Variants in RFT1 observed in about 807,000 individuals in gnomAD.
RFT1 encodes man(5)GlcNAc(2)-PP-dolichol translocation protein RFT1.
A neutral mutation model predicts 62.2 loss-of-function variants in RFT1; 43 were observed. The observed-to-expected ratio is 0.69, with a 90% CI of 0.54 to 0.89. RFT1 has a LOEUF of 0.89. RFT1 is among the 40% of genes least tolerant of loss of function. RFT1 has a pLI of 0.00. For synonymous variants in RFT1, 262 were observed against 264.6 expected (o/e 0.99, Z 0.10); for missense variants, 605 against 649.9 (o/e 0.93, Z 0.75).
At chr3:53,074,689 G>A in the RFT1 span, among the ~76,000 whole-genome samples, 32 of 152,288 alleles carry the variant, frequency 2.1e-4, no homozygotes, top group African/African-American at 2.9e-4. Context: ...CACTGCATGC[G>A]TATGAATAGA....
chr3:53,105,211 C>T (rs781034460), intron 9 of RFT1, among the ~76,000 whole-genome samples: 10 of 152,186 alleles, frequency 6.6e-5, no homozygotes, highest in Non-Finnish European at 1.3e-4. Flanking sequence ...GTCAGGAGTT[C>T]AAGAGCAGCC....
chr3:53,109,335 G>A (rs1258457500), intron 7 of RFT1, among the ~76,000 whole-genome samples: 1 of 152,174 alleles, frequency 6.6e-6, no homozygotes, highest in Non-Finnish European at 1.5e-5. Context: ...GAGTTTCCAA[G>A]TACCACACAC....
the RFT1 span, among the ~76,000 whole-genome samples, chr3:53,070,393 G>GGTTTTTTTTTTTTTT: frequency 7.0e-5 from 6 of 85,448 alleles, 1 homozygote; most frequent in Non-Finnish European, 6.8e-5. Context: ...CTGTATTATG[G>GGTTTTTTTTTTTTTT]TTTTTTTTTT....
chr3:53,119,942 A>T lies in RFT1; in HGVS notation c.638T>A (p.Leu213His). ...TATTCTGGAGACAGGAAGAGTTTGA[A>T]GCTTGGTTGATTCTGGGGAACCCAG... ...KLLGSPESTK[L>H]QTLPVSRITD... The change falls in exon 6 of 13, where the codon CTT becomes CAT. Residue 213 changes from leucine (L) to histidine (H), a missense_variant. Leu to His is a moderately conservative substitution (Grantham distance 99, BLOSUM62 -3). Coordinates refer to ENST00000296292, the MANE Select transcript of RFT1 (RefSeq NM_052859.4). 2 of 1,613,278 alleles carry T rather than the reference A, an allele frequency of 1.2e-6. No individual in the cohort carries two copies. Among genetic ancestry groups the T allele is most frequent in the Non-Finnish European group, 1.7e-6 (2 of 1,179,546 alleles).
downstream of RFT1, chr3:53,085,979 A>T (rs1263727382): frequency 6.6e-6 from 1 of 152,252 alleles, no homozygotes. Context: ...GTTAAAAATG[A>T]GTAACACTAA....
chr3:53,124,375 TC>T (rs1702053309), intron 2 of RFT1, among the ~76,000 whole-genome samples: 1 of 152,062 alleles, frequency 6.6e-6, no homozygotes, highest in South Asian at 2.1e-4. Flanking sequence ...CCTTCCTGCA[TC>T]TTAGCGAGGA....
chr3:53,130,220 A>G, intron 1 of RFT1, 118 bp downstream of exon 1: 7 of 1,014,108 alleles, frequency 6.9e-6, no homozygotes, highest in Non-Finnish European at 1.1e-5. Flanking sequence ...CACCCCCTCC[A>G]TTGCGGGGTC....
intron 6 of RFT1, among the ~76,000 whole-genome samples, chr3:53,118,238 G>A (rs751335788): frequency 3.3e-5 from 5 of 152,146 alleles, no homozygotes; most frequent in Non-Finnish European, 5.9e-5. Flanking sequence ...ATGAAAATCT[G>A]CCAGGCTTGG....
At position 53,123,727 on chromosome 3, in the gene RFT1, AG is replaced by A; in HGVS notation, c.262del (p.Leu88Ter). 6.2e-7 allele frequency: 1 copy of A among 1,612,682 alleles called. No individual in the cohort carries two copies. On this transcript the variant is annotated frameshift_variant, in exon 3 of 13. Transcript: ENST00000296292. LOFTEE classifies it high-confidence loss of function. The part of the protein sequence containing the change: ...DWSQTLNLLW[L>X]TVPLGVFWSL... The stretch of plus-strand genomic sequence containing the variant: ...CTCCTGCCAAAGCACAACTCACGTT[AG>A]CCACAGCAGGTTGAGGGTCTGGCTC...
intron 10 of RFT1, among the ~76,000 whole-genome samples, chr3:53,102,736 GT>G (rs777664739): frequency 2.0e-5 from 3 of 152,208 alleles, no homozygotes; most frequent in Non-Finnish European, 2.9e-5. Flanking sequence ...CAGGTAAGTA[GT>G]CCACTTCCAG....
At chr3:53,092,142 G>T in intron 12 of RFT1, 72 bp from the exon 13 acceptor site, 1 of 1,576,626 alleles carries the variant, frequency 6.3e-7, no homozygotes, top group Non-Finnish European at 8.7e-7. Context: ...AGCCAGGGAA[G>T]ACAGCTGTGG....
downstream of RFT1, chr3:53,085,993 A>G (rs188837714): frequency 2.0e-5 from 3 of 152,348 alleles, no homozygotes; most frequent in Non-Finnish European, 4.4e-5. Context: ...ACACTAAATA[A>G]TGGGACTGAT....
intron 11 of RFT1, among the ~76,000 whole-genome samples, chr3:53,098,732 G>A (rs991682587): frequency 7.3e-6 from 1 of 136,766 alleles, no homozygotes; most frequent in Admixed American, 8.7e-5. Context: ...AACCTGGGAG[G>A]CAGAGCTTGC....
the RFT1 span, among the ~76,000 whole-genome samples, chr3:53,070,387 A>T: frequency 1.2e-4 from 12 of 97,534 alleles, no homozygotes; most frequent in South Asian, 7.8e-4. Context: ...CCAGCCCTGT[A>T]TTATGGTTTT....
At chr3:53,092,288 A>C in intron 12 of RFT1, 81 bp downstream of exon 12, 1 of 1,554,072 alleles carries the variant, frequency 6.4e-7, no homozygotes, top group Non-Finnish European at 8.7e-7. Flanking sequence ...AGGAGGCAAA[A>C]ACCTGGGAAG....
intron 10 of RFT1, among the ~76,000 whole-genome samples, chr3:53,102,323 T>C (rs1230344959): frequency 1.3e-5 from 2 of 152,200 alleles, no homozygotes; most frequent in Non-Finnish European, 2.9e-5. Flanking sequence ...TATGTTCTGT[T>C]GTTTAAAGCC....
the RFT1 span, among the ~76,000 whole-genome samples, chr3:53,072,584 C>T: frequency 6.6e-6 from 1 of 152,232 alleles, no homozygotes; most frequent in African/African-American, 2.4e-5. Flanking sequence ...TGACTTGTCA[C>T]TCTCTGCCAA....
chr3:53,121,886 G>A (rs191976724), intron 4 of RFT1, 86 bp from the exon 5 acceptor site: 2 of 1,121,360 alleles, frequency 1.8e-6, no homozygotes, highest in African/African-American at 1.5e-5. Flanking sequence ...ATCTAGGGCA[G>A]TGGTCACCCT....
chr3:53,102,070 T>C (rs1049931456), intron 10 of RFT1, among the ~76,000 whole-genome samples: 1 of 150,022 alleles, frequency 6.7e-6, no homozygotes, highest in Non-Finnish European at 1.5e-5. Flanking sequence ...GAAACTTGCA[T>C]TGAGGCAGAC....
Sources: gnomAD v4.1 joint callset for allele counts (sites outside exome capture counted in the v4.1 genomes callset) on GRCh38, gnomAD v4.1.1 for gene constraint, MANE v1.5 for transcripts, NCBI Gene and HGNC (gene_info 2026-07-23, HGNC 2026-07-21) for gene names.